The following RGS7 variants were observed in gnomAD, a reference collection of about 807,000 sequenced individuals.
RGS7 encodes regulator of G-protein signaling 7.
RGS7 carries 27 observed loss-of-function variants against 81.1 expected under a neutral mutation model. The ratio of observed to expected loss-of-function variants is 0.33; its 90% CI spans 0.25 to 0.46. The LOEUF is 0.46. Ranked by LOEUF, RGS7 falls within the 20% of genes least tolerant of loss-of-function variation. RGS7 has a pLI of 1.00. For missense variants in RGS7, 396 were observed against 607.4 expected, an observed-to-expected ratio of 0.65 and a Z score of 3.66; for synonymous variants, 208 against 207.7, an observed-to-expected ratio of 1.00 and a Z score of -0.01.
At chr1:241,115,914 T>G (rs535878238) in intron 2 of RGS7, among the ~76,000 whole-genome samples, 2 of 152,216 alleles carry the variant, frequency 1.3e-5, no homozygotes, top group South Asian at 4.1e-4. Flanking sequence ...GGGAAGGGAT[T>G]TCCCCCTTGC....
chr1:241,154,545 G>A (rs1308100040), intron 2 of RGS7, among the ~76,000 whole-genome samples: 2 of 152,230 alleles, frequency 1.3e-5, no homozygotes, highest in Non-Finnish European at 2.9e-5. Context: ...CAGAGAAGGC[G>A]AAGTGATTAG....
chr1:241,151,131 C>G (rs1291849522), intron 2 of RGS7, among the ~76,000 whole-genome samples: 1 of 152,202 alleles, frequency 6.6e-6, no homozygotes, highest in Non-Finnish European at 1.5e-5. Context: ...TGCTAGTCTC[C>G]TGCATACACA....
chr1:241,028,408 AGCTTTACTGTT>A (rs1249725262), intron 3 of RGS7, among the ~76,000 whole-genome samples: 8 of 152,332 alleles, frequency 5.3e-5, no homozygotes, highest in African/African-American at 1.2e-4. Flanking sequence ...GCCTATCCAA[AGCTTTACTGTT>A]GCAATGGTAT....
chr1:240,890,062 C>T (rs1305576679), intron 6 of RGS7, among the ~76,000 whole-genome samples: 1 of 152,218 alleles, frequency 6.6e-6, no homozygotes, highest in East Asian at 1.9e-4. Context: ...CACACTCTGC[C>T]CTCCCGTACT....
At chr1:241,108,822 A>G (rs1010660071) in intron 2 of RGS7, among the ~76,000 whole-genome samples, 2 of 152,194 alleles carry the variant, frequency 1.3e-5, no homozygotes, top group Admixed American at 6.5e-5. Context: ...CCTGCACAGA[A>G]TAATGAATTC....
At chr1:241,198,021 C>A (rs1187404013) in intron 2 of RGS7, among the ~76,000 whole-genome samples, 1 of 151,662 alleles carries the variant, frequency 6.6e-6, no homozygotes, top group African/African-American at 2.4e-5. Context: ...AGTATATTTT[C>A]CAACCTAAAT....
At chr1:241,124,662 G>A (rs2066523559) in intron 2 of RGS7, among the ~76,000 whole-genome samples, 1 of 152,228 alleles carries the variant, frequency 6.6e-6, no homozygotes, top group Non-Finnish European at 1.5e-5. Context: ...CCTGCAGAGT[G>A]GTGTCTGCTG....
Position 240,931,268 on chromosome 1 carries a change from T to C in RGS7, c.334-500A>G, listed in dbSNP as rs958325741. ...TGCCTGGCTCCATTAGTCATATAAT[T>C]CAGTTCTCAGCATTGTCCAATGAGA... On this transcript the variant is annotated intron_variant, in intron 5 of 18. Transcript: ENST00000440928. 5.9e-5 allele frequency among the ~76,000 whole-genome samples: 9 copies of C among 152,224 alleles called. No individual in the cohort carries two copies. In the South Asian group the frequency reaches 1.9e-3, roughly 32 times the overall value.
At chr1:241,187,781 G>A (rs2072258228) in intron 2 of RGS7, among the ~76,000 whole-genome samples, 1 of 152,104 alleles carries the variant, frequency 6.6e-6, no homozygotes, top group Non-Finnish European at 1.5e-5. Context: ...ACTTTCTATG[G>A]CTAGCTTCAC....
At chr1:240,964,531 T>C (rs1681984227) in intron 4 of RGS7, among the ~76,000 whole-genome samples, 1 of 152,202 alleles carries the variant, frequency 6.6e-6, no homozygotes, top group African/African-American at 2.4e-5. Flanking sequence ...TTGTGAGTTG[T>C]AGTGTCTGAT....
intron 3 of RGS7, among the ~76,000 whole-genome samples, chr1:241,077,610 A>G (rs2062874186): frequency 6.6e-6 from 1 of 152,142 alleles, no homozygotes; most frequent in African/African-American, 2.4e-5. Context: ...AGCGATAGTC[A>G]CACTTCTTCA....
At chr1:240,901,214 AG>A (rs1460851170) in intron 6 of RGS7, among the ~76,000 whole-genome samples, 1 of 152,172 alleles carries the variant, frequency 6.6e-6, no homozygotes, top group Non-Finnish European at 1.5e-5. Context: ...TGGCTAGGAA[AG>A]GGAATTCCCC....
chr1:241,005,614 C>A (rs1027522862), intron 3 of RGS7, among the ~76,000 whole-genome samples: 3 of 151,958 alleles, frequency 2.0e-5, no homozygotes, highest in African/African-American at 7.3e-5. Context: ...CGGCTCGCTG[C>A]AACTCTGCCT....
intron 3 of RGS7, among the ~76,000 whole-genome samples, chr1:241,062,593 G>T (rs1173110741): frequency 6.6e-6 from 1 of 152,150 alleles, no homozygotes; most frequent in Non-Finnish European, 1.5e-5. Context: ...GTTTTCCCCA[G>T]ACTCTGCAGT....
intron 2 of RGS7, among the ~76,000 whole-genome samples, chr1:241,168,576 CT>C (rs1044686343): frequency 2.6e-5 from 4 of 152,108 alleles, no homozygotes; most frequent in African/African-American, 9.7e-5. Flanking sequence ...TATCACTCCC[CT>C]GACTACGTTA....
chr1:241,346,463 G>A (rs2082905702), intron 2 of RGS7, among the ~76,000 whole-genome samples: 1 of 152,164 alleles, frequency 6.6e-6, no homozygotes, highest in Non-Finnish European at 1.5e-5. Flanking sequence ...TTTATCTAGA[G>A]AGCAACACAG....
chr1:241,323,512 G>C (rs992710321), intron 2 of RGS7, among the ~76,000 whole-genome samples: 2 of 152,198 alleles, frequency 1.3e-5, no homozygotes, highest in African/African-American at 4.8e-5. Flanking sequence ...CTCTGCCCAA[G>C]TATTAAAGGA....
At chr1:241,182,478 GTTT>G (rs901827547) in intron 2 of RGS7, among the ~76,000 whole-genome samples, 3 of 152,142 alleles carry the variant, frequency 2.0e-5, no homozygotes, top group African/African-American at 7.2e-5. Context: ...GGCTATGAAT[GTTT>G]TCTAAATGAT....
intron 9 of RGS7, among the ~76,000 whole-genome samples, chr1:240,866,718 C>A (rs1221627414): frequency 1.3e-5 from 2 of 152,198 alleles, no homozygotes; most frequent in South Asian, 2.1e-4. Flanking sequence ...GAGGGAAAGA[C>A]AACTTTGATC....
Sources: gnomAD v4.1 joint callset for allele counts (sites outside exome capture counted in the v4.1 genomes callset) on GRCh38, gnomAD v4.1.1 for gene constraint, MANE v1.5 for transcripts, NCBI Gene and HGNC (gene_info 2026-07-23, HGNC 2026-07-21) for gene names.